Variants in EPC1 observed in about 807,000 individuals in gnomAD.
The protein encoded by EPC1 is enhancer of polycomb 1, also known as enhancer of polycomb homolog 1.
In EPC1, 12 loss-of-function variants were observed where a neutral mutation model predicts 98.4. That is an observed-to-expected ratio of 0.12 (90% CI 0.08 to 0.20). The LOEUF (loss-of-function observed/expected upper bound fraction) is 0.20. EPC1 is among the 10% of genes least tolerant of loss of function. The pLI is 1.00. For missense variants in EPC1, 729 were observed against 990.5 expected, an observed-to-expected ratio of 0.74 and a Z score of 3.54; for synonymous variants, 357 against 363.9, an observed-to-expected ratio of 0.98 and a Z score of 0.21.
intron 1 of EPC1, chr10:32,345,447 A>T: frequency 1.0e-6 from 1 of 985,334 alleles, no homozygotes; most frequent in Non-Finnish European, 1.2e-6. Flanking sequence ...TTCTTACAGT[A>T]CCAAGAGAAG....
chr10:32,367,415 C>A (rs1356527929), intron 1 of EPC1, among the ~76,000 whole-genome samples: 1 of 152,060 alleles, frequency 6.6e-6, no homozygotes. Flanking sequence ...CTAGAAAAAT[C>A]TGATTAAATG....
intron 2 of EPC1, among the ~76,000 whole-genome samples, chr10:32,300,686 G>A (rs943391794): frequency 2.0e-5 from 3 of 151,606 alleles, no homozygotes; most frequent in African/African-American, 4.9e-5. Context: ...TGCCTGCCTC[G>A]GCCTCCCAAA....
exon 1 of EPC1, chr10:32,378,682 T>G (rs1839919775): frequency 2.1e-6 from 1 of 482,734 alleles, no homozygotes; most frequent in African/African-American, 2.0e-5. Context: ...TCCCCCAGGA[T>G]CTGTGGGCTT....
chr10:32,359,116 G>C (rs1592636599), intron 1 of EPC1, among the ~76,000 whole-genome samples: 2 of 152,064 alleles, frequency 1.3e-5, no homozygotes, highest in South Asian at 4.1e-4. Context: ...GCACACTTTA[G>C]GAAATTTCAT....
chr10:32,301,038 A>ATATTTATCTATC (rs71299736), intron 2 of EPC1, among the ~76,000 whole-genome samples: 3,672 of 143,078 alleles, frequency 0.026, 78 homozygotes, highest in East Asian at 0.048. Context: ...AAGCACATTT[A>ATATTTATCTATC]TATCTATCTA....
At chr10:32,305,963 T>C (rs767395499) in intron 1 of EPC1, 32 bp from the exon 2 acceptor site, 1 of 1,575,510 alleles carries the variant, frequency 6.3e-7, no homozygotes, top group Non-Finnish European at 8.6e-7. Context: ...TAAGTTCATG[T>C]ATTTTTAAAA....
chr10:32,363,114 C>G (rs537402788), intron 1 of EPC1, among the ~76,000 whole-genome samples: 1 of 152,168 alleles, frequency 6.6e-6, no homozygotes, highest in African/African-American at 2.4e-5. Context: ...CACTCTGTCA[C>G]CTGGGCTAGA....
chr10:32,334,782 A>G (rs971090534), intron 1 of EPC1, among the ~76,000 whole-genome samples: 1 of 152,164 alleles, frequency 6.6e-6, no homozygotes, highest in African/African-American at 2.4e-5. Context: ...TTATGTCATT[A>G]CTAGGCCCCC....
At chr10:32,272,291 C>G in intron 11 of EPC1, 124 bp from the exon 12 acceptor site, 1 of 742,660 alleles carries the variant, frequency 1.3e-6, no homozygotes, top group Non-Finnish European at 2.1e-6. Context: ...TGAAATCTTT[C>G]TATTTTGGTA....
At chr10:32,337,703 C>A (rs536766340) in intron 1 of EPC1, among the ~76,000 whole-genome samples, 1 of 152,190 alleles carries the variant, frequency 6.6e-6, no homozygotes, top group Non-Finnish European at 1.5e-5. Context: ...GGAGCCTCCT[C>A]CAGCTACTCC....
intron 2 of EPC1, 70 bp downstream of exon 2, chr10:32,305,702 A>AT: frequency 7.5e-7 from 1 of 1,340,586 alleles, no homozygotes; most frequent in South Asian, 1.8e-5. Flanking sequence ...TCCTGAAGAG[A>AT]TAAAAATCTG....
chr10:32,282,732 T>C (rs1352300448), intron 10 of EPC1: 1 of 152,182 alleles, frequency 6.6e-6, no homozygotes, highest in African/African-American at 2.4e-5. Context: ...AAAAAGAGCA[T>C]TATAAAATCC....
At chr10:32,367,077 C>A (rs1839623110) in intron 1 of EPC1, among the ~76,000 whole-genome samples, 1 of 152,214 alleles carries the variant, frequency 6.6e-6, no homozygotes, top group African/African-American at 2.4e-5. Context: ...CTCACTGCAA[C>A]CTCCAGCTGC....
intron 2 of EPC1, among the ~76,000 whole-genome samples, chr10:32,304,922 A>G (rs1941164768): frequency 6.6e-6 from 1 of 150,616 alleles, no homozygotes; most frequent in East Asian, 1.9e-4. Context: ...CCGTCTTAAA[A>G]AAAAAAAAAA....
chr10:32,343,758 G>A (rs113896662), intron 1 of EPC1, among the ~76,000 whole-genome samples: 134 of 151,544 alleles, frequency 8.8e-4, no homozygotes, highest in South Asian at 2.5e-3. Context: ...CGTTAGGCCC[G>A]TGTGTGCAGC....
intron 10 of EPC1, among the ~76,000 whole-genome samples, chr10:32,275,610 A>G (rs1429720496): frequency 6.6e-6 from 1 of 152,004 alleles, no homozygotes; most frequent in Admixed American, 6.5e-5. Context: ...ACCAAAAAAA[A>G]AAAACAAAAA....
At chr10:32,292,909 A>C in intron 4 of EPC1, 79 bp downstream of exon 4, 1 of 950,522 alleles carries the variant, frequency 1.1e-6, no homozygotes, top group Non-Finnish European at 1.5e-6. Flanking sequence ...ATATAAATTA[A>C]ACCACAGTAT....
At chr10:32,347,235 C>T (rs2133070794), upstream of EPC1, 5 of 1,213,542 alleles carry the variant, frequency 4.1e-6, no homozygotes, top group Non-Finnish European at 5.1e-6. Flanking sequence ...GGGGAGGGAG[C>T]GCGGGCTCGA....
chr10:32,284,746 A>G lies in EPC1; in HGVS notation c.1696T>C (p.Cys566Arg). The change falls in exon 10 of 14, where the codon TGC becomes CGC. Residue 566 changes from cysteine (C) to arginine (R), a missense_variant. Cys to Arg is a radical substitution (Grantham distance 180, BLOSUM62 -3). This residue lies in a region of EPC1 where 390 missense variants were observed against 438.6 expected (regional missense o/e 0.89). Transcript: ENST00000319778. ...TGTAQPGTQT[C>R]STSTQSKSSS... Reference sequence around the variant, plus strand: ...CTTTTACTTTGCGTAGAGGTACTGCATGTCTGGGTCCCAGGTTGTGCTGTT... The same window carrying G: ...CTTTTACTTTGCGTAGAGGTACTGCGTGTCTGGGTCCCAGGTTGTGCTGTT... 1 of 1,614,160 alleles carries G rather than the reference A, an allele frequency of 6.2e-7. No homozygotes were observed. The highest frequency in any genetic ancestry group is 8.5e-7 in the Non-Finnish European group (1 of 1,180,018).
Sources: gnomAD v4.1 joint callset for allele counts (sites outside exome capture counted in the v4.1 genomes callset) on GRCh38, gnomAD v4.1.1 for gene constraint, gnomAD v4.1.1 regional missense constraint, MANE v1.5 for transcripts, NCBI Gene and HGNC (gene_info 2026-07-23, HGNC 2026-07-21) for gene names.